Variants in NEK7 observed in about 807,000 individuals in gnomAD.
NEK7 encodes serine/threonine-protein kinase Nek7.
NEK7 carries 18 observed loss-of-function variants against 44.6 expected under a neutral mutation model. The ratio of observed to expected loss-of-function variants is 0.40; its 90% CI spans 0.28 to 0.60. The LOEUF (loss-of-function observed/expected upper bound fraction) is 0.60, where lower values mean the gene tolerates loss of function less well. Ranked by LOEUF, NEK7 falls within the 20% of genes least tolerant of loss-of-function variation. The pLI is 0.38. For synonymous variants in NEK7, 130 were observed against 121.1 expected (o/e 1.07, Z -0.48); for missense variants, 256 against 366.5 (o/e 0.70, Z 2.46).
intron 1 of NEK7, among the ~76,000 whole-genome samples, chr1:198,203,904 C>T (rs1665511189): frequency 6.6e-6 from 1 of 151,506 alleles, no homozygotes; most frequent in African/African-American, 2.4e-5. Context: ...AATATTTTTT[C>T]ATAGATCCTT....
chr1:198,199,816 C>G (rs1294001117), intron 1 of NEK7, among the ~76,000 whole-genome samples: 1 of 151,556 alleles, frequency 6.6e-6, no homozygotes, highest in Non-Finnish European at 1.5e-5. Context: ...TTTTTATGTT[C>G]TGATATGTAA....
intron 3 of NEK7, among the ~76,000 whole-genome samples, chr1:198,256,885 A>G (rs547727204): frequency 2.6e-4 from 40 of 152,234 alleles, no homozygotes; most frequent in African/African-American, 9.1e-4. Context: ...GGTATATGCA[A>G]TCTCTATTTT....
chr1:198,181,562 A>G (rs985165694), intron 1 of NEK7, among the ~76,000 whole-genome samples: 3 of 152,144 alleles, frequency 2.0e-5, no homozygotes, highest in African/African-American at 7.2e-5. Flanking sequence ...ACAGAAAGTT[A>G]TTGGTAAAGT....
intron 1 of NEK7, among the ~76,000 whole-genome samples, chr1:198,193,966 A>G (rs1372880847): frequency 6.6e-6 from 1 of 152,212 alleles, no homozygotes; most frequent in Non-Finnish European, 1.5e-5. Context: ...AATTCTGGCC[A>G]GGGCAATCAG....
At chr1:198,224,087 TTC>T (rs1465083181) in intron 1 of NEK7, among the ~76,000 whole-genome samples, 1 of 152,156 alleles carries the variant, frequency 6.6e-6, no homozygotes, top group African/African-American at 2.4e-5. Flanking sequence ...ATTGAAATAC[TTC>T]TCTTTTTTTC....
intron 2 of NEK7, among the ~76,000 whole-genome samples, chr1:198,247,629 A>G (rs1034282787): frequency 1.3e-5 from 2 of 152,174 alleles, no homozygotes; most frequent in African/African-American, 4.8e-5. Flanking sequence ...GTTATTTTGC[A>G]TATTTTAAAG....
chr1:198,161,069 T>TTA (rs552099654), intron 1 of NEK7, among the ~76,000 whole-genome samples: 12 of 152,330 alleles, frequency 7.9e-5, no homozygotes, highest in African/African-American at 2.9e-4. Context: ...GGTAATGAGG[T>TTA]TATACAATGA....
chr1:198,301,637 C>A (rs1229267164), intron 9 of NEK7, among the ~76,000 whole-genome samples: 3 of 152,102 alleles, frequency 2.0e-5, no homozygotes, highest in African/African-American at 7.2e-5. Context: ...AAGTTGAGTA[C>A]AGGGTTTGCA....
At chr1:198,204,528 G>T (rs913196965) in intron 1 of NEK7, among the ~76,000 whole-genome samples, 4 of 151,894 alleles carry the variant, frequency 2.6e-5, no homozygotes, top group Non-Finnish European at 5.9e-5. Flanking sequence ...GACCATCCTG[G>T]CTAACACGGT....
intron 2 of NEK7, 71 bp downstream of exon 2, chr1:198,232,708 A>G (rs1666434176): frequency 2.4e-6 from 2 of 839,484 alleles, no homozygotes; most frequent in Non-Finnish European, 3.9e-6. Context: ...AAAGTAGTAC[A>G]TTTACAGTTC....
intron 2 of NEK7, among the ~76,000 whole-genome samples, chr1:198,251,527 G>C (rs1652987046): frequency 6.6e-6 from 1 of 151,866 alleles, no homozygotes; most frequent in Non-Finnish European, 1.5e-5. Flanking sequence ...TGGTTGGTAA[G>C]CTATTGATTA....
Position 198,248,492 on chromosome 1 carries a change from A to AT in NEK7, c.58-4547dup, listed in dbSNP as rs1369886946. Among the ~76,000 whole-genome samples, 857 of 152,276 alleles carry AT rather than the reference A, an allele frequency of 5.6e-3. 7 individuals carry two copies. The highest frequency in any genetic ancestry group is 0.019 in the African/African-American group (783 of 41,550). On this transcript the variant is annotated intron_variant, in intron 2 of 9. Coordinates refer to ENST00000367385, the MANE Select transcript of NEK7 (RefSeq NM_133494.3). ...CATAGCACAGTGAAGAGCCTCTTCT[A>AT]TGTATTTGGGTAAGCCGTTTGAGAG...
chr1:198,226,659 A>G (rs551843911), intron 1 of NEK7, among the ~76,000 whole-genome samples: 2 of 152,176 alleles, frequency 1.3e-5, no homozygotes, highest in South Asian at 4.1e-4. Flanking sequence ...TTCCTGCCTC[A>G]TAACTCCCAT....
At chr1:198,301,428 T>A (rs1654878962) in intron 9 of NEK7, among the ~76,000 whole-genome samples, 1 of 152,196 alleles carries the variant, frequency 6.6e-6, no homozygotes, top group African/African-American at 2.4e-5. Context: ...CGGGCGCCTG[T>A]AGTCCCAGCT....
intron 1 of NEK7, among the ~76,000 whole-genome samples, chr1:198,221,930 G>A (rs1429499221): frequency 1.3e-5 from 2 of 151,244 alleles, no homozygotes; most frequent in African/African-American, 4.9e-5. Flanking sequence ...TAGTTATCTA[G>A]TATAATGTTA....
rs546447866 is a variant in NEK7, at chr1:198,168,299, A to G, written c.-29+11023A>G. Among the ~76,000 whole-genome samples the G allele has an allele frequency of 3.5e-4, 54 of 152,354 alleles. 1 individual carries two copies. The highest frequency in any genetic ancestry group is 1.9e-3 in the Admixed American group (29 of 15,308). Reference sequence around the variant, plus strand: ...TAATGATTCAGATAATATAAGAAGCATGGGCTGTAATGATGTACCAACGGT... The same window carrying G: ...TAATGATTCAGATAATATAAGAAGCGTGGGCTGTAATGATGTACCAACGGT... On this transcript the variant is annotated intron_variant, in intron 1 of 9. Transcript: ENST00000367385.
Position 198,214,013 on chromosome 1 carries a change from A to G in NEK7, c.-28-18540A>G, listed in dbSNP as rs138235474. On this transcript the variant is annotated intron_variant, in intron 1 of 9. Transcript: ENST00000367385. ...CCCACAGGAGTCAGTGAATCTGCTC[A>G]TATACCCGGCACATTGCTACTACAA... is the stretch of plus-strand genomic sequence containing the variant. Among the ~76,000 whole-genome samples the G allele has an allele frequency of 5.8e-4, 88 of 152,304 alleles. 2 individuals carry two copies. Among genetic ancestry groups the G allele is most frequent in the Non-Finnish European group, 7.2e-4 (49 of 68,032 alleles).
chr1:198,244,824 A>C (rs887473715), intron 2 of NEK7, among the ~76,000 whole-genome samples: 3 of 151,862 alleles, frequency 2.0e-5, no homozygotes, highest in East Asian at 1.9e-4. Context: ...GAAAAAAAAA[A>C]CCCCCACTTT....
intron 1 of NEK7, among the ~76,000 whole-genome samples, chr1:198,191,272 A>G (rs995522660): frequency 6.6e-6 from 1 of 151,992 alleles, no homozygotes; most frequent in Non-Finnish European, 1.5e-5. Flanking sequence ...TCCTTCAAAT[A>G]TTTCTGCCTG....
Sources: gnomAD v4.1 joint callset for allele counts (sites outside exome capture counted in the v4.1 genomes callset) on GRCh38, gnomAD v4.1.1 for gene constraint, MANE v1.5 for transcripts, NCBI Gene and HGNC (gene_info 2026-07-23, HGNC 2026-07-21) for gene names.